Variants in HHLA1 observed in about 807,000 individuals in gnomAD.
HHLA1 encodes the protein HERV-H LTR-associating protein 1.
Under a neutral mutation model 69.9 loss-of-function variants are expected in HHLA1, and 72 were observed. The ratio of observed to expected loss-of-function variants is 1.03; its 90% confidence interval spans 0.85 to 1.25. The LOEUF (loss-of-function observed/expected upper bound fraction) is 1.25. Ranked by LOEUF, HHLA1 falls within the 50% of genes most tolerant of loss-of-function variation. The probability of loss-of-function intolerance (pLI) is 0.00; values close to 1 mark genes in which losing one functional copy is unlikely to be tolerated. For missense variants in HHLA1, 685 were observed against 642.2 expected, an observed-to-expected ratio of 1.07 and a Z score of -0.72; for synonymous variants, 252 against 233.2, an observed-to-expected ratio of 1.08 and a Z score of -0.73.
chr8:132,061,852 C>T lies in HHLA1; in HGVS notation c.*2143G>A, dbSNP rs184152239. On this transcript the variant is annotated 3_prime_UTR_variant, in exon 17 of 17. Transcript: ENST00000414222. ...ACTGGCCCCAAGGAGTCCTCTGAGC[C>T]TTTGTCCTTGATGCTAGGCCAGATC... The T allele has an allele frequency of 6.6e-6, 1 of 152,354 alleles. No homozygotes were observed. Among genetic ancestry groups the T allele is most frequent in the East Asian group, 1.9e-4 (1 of 5,190 alleles). 9.4% of individuals were successfully genotyped at this position (152,354 alleles called of 1,614,324 possible).
chr8:132,066,066 A>G (rs1291831819), intron 15 of HHLA1, 98 bp from the exon 16 acceptor site: 13 of 452,026 alleles, frequency 2.9e-5, no homozygotes, highest in Non-Finnish European at 5.2e-5. Flanking sequence ...CATGAACTAT[A>G]TGGCCAATTA....
chr8:132,108,847 C>T (rs920738876), intron 1 of HHLA1, among the ~76,000 whole-genome samples: 1 of 152,154 alleles, frequency 6.6e-6, no homozygotes, highest in African/African-American at 2.4e-5. Context: ...ACCTTAGCAT[C>T]CATTGGTTTC....
Position 132,105,214 on chromosome 8 carries a change from C to A in HHLA1, c.52G>T (p.Ala18Ser), listed in dbSNP as rs1210470961. The A allele has an allele frequency of 1.3e-6, 2 of 1,552,016 alleles. No homozygotes were observed. The highest frequency in any genetic ancestry group is 3.9e-5 in the Admixed American group (2 of 51,006). Residue 18 changes from alanine (A) to serine (S), a missense_variant, in exon 2 of 17, where the codon GCA becomes TCA. Transcript: ENST00000414222. ...GPSMKLCMGL[A>S]CVLSLWNTVS... ...GTGTTCCAAAGGGACAAGACACATG[C>A]CAGGCCCATGCACAGCTTCATTGAA...
chr8:132,105,440 C>T (rs1824188708), intron 1 of HHLA1, among the ~76,000 whole-genome samples, 154 bp from the exon 2 acceptor site: 1 of 152,222 alleles, frequency 6.6e-6, no homozygotes, highest in South Asian at 2.1e-4. Context: ...AAATTAACTC[C>T]ACAATTTAAT....
chr8:132,090,238 G>A (rs914147950), intron 7 of HHLA1, among the ~76,000 whole-genome samples: 4 of 152,152 alleles, frequency 2.6e-5, no homozygotes, highest in Non-Finnish European at 5.9e-5. Context: ...TTTGAACAGG[G>A]CCATTGCCTG....
intron 1 of HHLA1, among the ~76,000 whole-genome samples, chr8:132,107,363 C>T (rs1338160813): frequency 1.3e-5 from 2 of 151,934 alleles, no homozygotes; most frequent in Non-Finnish European, 2.9e-5. Flanking sequence ...TGCAGTGGTA[C>T]GATGTCAGCT....
chr8:132,088,964 C>T (rs1228358370), intron 8 of HHLA1, among the ~76,000 whole-genome samples: 1 of 152,196 alleles, frequency 6.6e-6, no homozygotes, highest in South Asian at 2.1e-4. Context: ...AGTAGCTGCT[C>T]CACAGTGCAT....
At chr8:132,102,792 ATT>A (rs3048490) in intron 3 of HHLA1, among the ~76,000 whole-genome samples, 27 of 143,892 alleles carry the variant, frequency 1.9e-4, no homozygotes, top group African/African-American at 6.2e-4. Flanking sequence ...ACTGAGCACC[ATT>A]TTTTTTTTTT....
At chr8:132,067,140 C>T (rs746040612) in intron 15 of HHLA1, among the ~76,000 whole-genome samples, 1 of 152,104 alleles carries the variant, frequency 6.6e-6, no homozygotes, top group Non-Finnish European at 1.5e-5. Flanking sequence ...GCAGCTGGGA[C>T]CGCAGAGCTG....
intron 5 of HHLA1, among the ~76,000 whole-genome samples, chr8:132,096,674 C>T (rs1824030969): frequency 6.6e-6 from 1 of 151,904 alleles, no homozygotes; most frequent in Admixed American, 6.6e-5. Context: ...CACCCACCTG[C>T]ATCAACACAC....
At chr8:132,079,000 T>C (rs1204404184) in intron 11 of HHLA1, among the ~76,000 whole-genome samples, 2 of 152,244 alleles carry the variant, frequency 1.3e-5, no homozygotes, top group African/African-American at 4.8e-5. Flanking sequence ...ACATGTGCCA[T>C]GTTGGTGTGC....
At chr8:132,065,545 G>A (rs1354268103) in intron 16 of HHLA1, among the ~76,000 whole-genome samples, 3 of 152,238 alleles carry the variant, frequency 2.0e-5, no homozygotes, top group African/African-American at 4.8e-5. Context: ...GCCTCCCAAA[G>A]TGCTGGGATT....
chr8:132,094,803 T>G (rs182314531), intron 7 of HHLA1, among the ~76,000 whole-genome samples: 5 of 152,348 alleles, frequency 3.3e-5, no homozygotes, highest in Non-Finnish European at 7.3e-5. Context: ...CACTTTGCTC[T>G]GTGTGCTTTC....
At position 132,079,700 on chromosome 8, in the gene HHLA1, G is replaced by T. The variant is rs115073510; in HGVS notation, c.925+18C>A. ...CGAGACATAGCAAAGGGGAGGAAAG[G>T]GTGAGAATGCATCTTACCCAAGGCT... On this transcript the variant is annotated intron_variant, in intron 11 of 16. Coordinates refer to ENST00000414222, the MANE Select transcript of HHLA1 (RefSeq NM_001145095.3). 2.2e-3 allele frequency: 3,411 copies of T among 1,532,552 alleles called. 70 individuals carry two copies. In the African/African-American group the frequency reaches 0.041, roughly 19 times the overall value. 94.9% of individuals were successfully genotyped at this position (1,532,552 alleles called of 1,614,324 possible). A position where few individuals can be genotyped will look rare whatever the true frequency, so the allele number is the denominator to read the frequency against.
intron 3 of HHLA1, among the ~76,000 whole-genome samples, chr8:132,102,346 G>A (rs1254371656): frequency 6.6e-6 from 1 of 152,170 alleles, no homozygotes; most frequent in Non-Finnish European, 1.5e-5. Context: ...TTTGCCAATT[G>A]CCAAGCTTTT....
intron 14 of HHLA1, among the ~76,000 whole-genome samples, chr8:132,073,547 G>A (rs1322254619): frequency 3.3e-5 from 5 of 152,120 alleles, no homozygotes; most frequent in Non-Finnish European, 7.4e-5. Context: ...ATACAGAAGA[G>A]GACACAGAGG....
At chr8:132,099,474 G>A (rs1348881828) in intron 4 of HHLA1, among the ~76,000 whole-genome samples, 1 of 147,056 alleles carries the variant, frequency 6.8e-6, no homozygotes. Flanking sequence ...ACCCAGAATG[G>A]AGGGAGAAAT....
rs117305227 is a variant in HHLA1, at chr8:132,068,486, G to T, written c.1470-2518C>A. On this transcript the variant is annotated intron_variant, in intron 15 of 16. Coordinates refer to ENST00000414222, the MANE Select transcript of HHLA1 (RefSeq NM_001145095.3). ...AACAAGAATATGTATTCCTCACATG[G>T]ACTGGAAGAGGCATTTCCTTGCAGA... is the stretch of plus-strand genomic sequence containing the variant. Among the ~76,000 whole-genome samples, 169 of 152,340 alleles carry T rather than the reference G, an allele frequency of 1.1e-3. 2 individuals carry two copies. In the East Asian group the frequency reaches 0.03, roughly 27 times the overall value.
chr8:132,080,894 T>C (rs1823741265), intron 10 of HHLA1: 2 of 151,976 alleles, frequency 1.3e-5, no homozygotes, highest in Admixed American at 1.3e-4. Flanking sequence ...GTGGGGATGT[T>C]AGAAGAAACA....
Sources: gnomAD v4.1 joint callset for allele counts (sites outside exome capture counted in the v4.1 genomes callset) on GRCh38, gnomAD v4.1.1 for gene constraint, MANE v1.5 for transcripts, NCBI Gene and HGNC (gene_info 2026-07-23, HGNC 2026-07-21) for gene names.